The following TULP4 variants were observed in gnomAD, a reference collection of about 807,000 sequenced individuals.
TULP4 encodes tubby-related protein 4.
A neutral mutation model predicts 129.0 loss-of-function variants in TULP4; 16 were observed. That is an observed-to-expected ratio of 0.12 (90% CI 0.08 to 0.19). The LOEUF (loss-of-function observed/expected upper bound fraction) is 0.19, where lower values mean the gene tolerates loss of function less well. Ranked by LOEUF, TULP4 falls within the 10% of genes least tolerant of loss-of-function variation. The pLI is 1.00. For synonymous variants in TULP4, 998 were observed against 854.0 expected (o/e 1.17, Z -2.94); for missense variants, 1,842 against 2,059.1 (o/e 0.89, Z 2.04).
intron 4 of TULP4, among the ~76,000 whole-genome samples, chr6:158,450,275 C>T (rs940170994): frequency 2.6e-5 from 4 of 152,172 alleles, no homozygotes; most frequent in Admixed American, 6.5e-5. Context: ...TGGGTGCTTT[C>T]TAACCTTTCC....
intron 1 of TULP4, among the ~76,000 whole-genome samples, chr6:158,408,206 G>A (rs1427807186): frequency 1.3e-5 from 2 of 152,148 alleles, no homozygotes; most frequent in Admixed American, 6.6e-5. Context: ...CAGAGCAAGC[G>A]GGAGTGCTTG....
At chr6:158,477,412 GA>G (rs375889849) in intron 6 of TULP4, among the ~76,000 whole-genome samples, 66 of 152,246 alleles carry the variant, frequency 4.3e-4, no homozygotes, top group African/African-American at 1.5e-3. Context: ...TGTGCTCATT[GA>G]AAACTGTTTT....
At chr6:158,441,695 C>T (rs1778902719) in intron 3 of TULP4, among the ~76,000 whole-genome samples, 2 of 152,218 alleles carry the variant, frequency 1.3e-5, no homozygotes, top group Non-Finnish European at 2.9e-5. Context: ...GCCCTCTTCT[C>T]AGCTGGACCT....
At chr6:158,412,341 C>G (rs1188232232) in intron 1 of TULP4, among the ~76,000 whole-genome samples, 1 of 152,200 alleles carries the variant, frequency 6.6e-6, no homozygotes, top group Admixed American at 6.5e-5. Context: ...CAGTCCCTCG[C>G]TACTTTTACT....
rs1562492974 is a variant in TULP4, at chr6:158,245,128, CG to C, written n.68+12828del. Among the ~76,000 whole-genome samples, 12 of 151,460 alleles carry C rather than the reference CG, an allele frequency of 7.9e-5. No individual in the cohort carries two copies. In the South Asian group the frequency reaches 2.1e-3, roughly 26 times the overall value. Reference sequence around the variant, plus strand: ...TTAGCCTTCTGAGTAGCTGGGACTACGGGCACATATCACCACACCTGGTCAA... The same window carrying C: ...TTAGCCTTCTGAGTAGCTGGGACTACGGCACATATCACCACACCTGGTCAA... On this transcript the variant is annotated intron_variant and non_coding_transcript_variant, in intron 1 of 1. Transcript: ENST00000620026.
At chr6:158,248,593 A>G (rs1778077486) in intron 1 of TULP4, among the ~76,000 whole-genome samples, 2 of 151,898 alleles carry the variant, frequency 1.3e-5, no homozygotes, top group South Asian at 4.2e-4. Flanking sequence ...ATAATTTAAA[A>G]ACTAGCTGGG....
chr6:158,372,157 C>A (rs893338620), intron 1 of TULP4, among the ~76,000 whole-genome samples: 5 of 41,028 alleles, frequency 1.2e-4, no homozygotes, highest in South Asian at 2.2e-3. Context: ...CAATTCCATT[C>A]TATCTGCTTT....
chr6:158,438,288 G>A (rs184492379), intron 3 of TULP4, among the ~76,000 whole-genome samples: 2 of 152,156 alleles, frequency 1.3e-5, no homozygotes, highest in South Asian at 2.1e-4. Context: ...ACATACTTTA[G>A]TGTAAATCTC....
At chr6:158,403,444 A>T (rs911392403) in intron 1 of TULP4, among the ~76,000 whole-genome samples, 4 of 152,052 alleles carry the variant, frequency 2.6e-5, no homozygotes, top group African/African-American at 9.7e-5. Flanking sequence ...GGTTCAAGCG[A>T]TTCTCCTGCC....
Position 158,390,495 on chromosome 6 carries a change from A to T in TULP4, c.253-22570A>T, listed in dbSNP as rs537832381. ...GATTTGTTAGCATCTTCGAATTAAA[A>T]AAGAAAAACTGGATTCCAATTTGTA... On this transcript the variant is annotated intron_variant, in intron 1 of 13. Transcript: ENST00000367097. 7.3e-3 allele frequency among the ~76,000 whole-genome samples: 1,106 copies of T among 152,348 alleles called. 6 individuals carry two copies. Among genetic ancestry groups the T allele is most frequent in the Middle Eastern group, 0.014 (4 of 294 alleles).
chr6:158,501,672 T>C lies in TULP4; in HGVS notation c.2015-6T>C. ...TAAGCAGTTCCTTTTTCTAATTTTC[T>C]TCCAGTGACAGGAGCATCTGGTGTC... On this transcript the variant is annotated splice_region_variant and splice_polypyrimidine_tract_variant and intron_variant, in intron 12 of 13. Coordinates refer to ENST00000367097, the MANE Select transcript of TULP4 (RefSeq NM_020245.5). The C allele has an allele frequency of 6.2e-7, 1 of 1,601,028 alleles. No individual in the cohort carries two copies. Among genetic ancestry groups the C allele is most frequent in the Non-Finnish European group, 8.5e-7 (1 of 1,170,162 alleles).
chr6:158,378,485 T>TTTTTTTTTGTG (rs1554285635), intron 1 of TULP4, among the ~76,000 whole-genome samples: 2 of 51,412 alleles, frequency 3.9e-5, no homozygotes, highest in African/African-American at 7.6e-5. Context: ...TTTTTTTTTT[T>TTTTTTTTTGTG]GGTGGGGGTG....
At chr6:158,471,011 AAAG>A (rs1412982433) in intron 6 of TULP4, among the ~76,000 whole-genome samples, 5 of 152,226 alleles carry the variant, frequency 3.3e-5, no homozygotes, top group Admixed American at 2.0e-4. Flanking sequence ...TTTGGGGAAA[AAAG>A]AAGAAATAAG....
At chr6:158,497,948 C>T (rs554924779) in intron 11 of TULP4, among the ~76,000 whole-genome samples, 9 of 152,290 alleles carry the variant, frequency 5.9e-5, no homozygotes, top group Admixed American at 2.0e-4. Flanking sequence ...AGTTTCACCC[C>T]GACTTTAACT....
At chr6:158,273,946 C>T (rs1171926635) in intron 1 of TULP4, among the ~76,000 whole-genome samples, 1 of 152,152 alleles carries the variant, frequency 6.6e-6, no homozygotes, top group Non-Finnish European at 1.5e-5. Context: ...AAGTTACTTG[C>T]TCCACGTCCC....
At chr6:158,463,101 C>G (rs144054122) in intron 6 of TULP4, among the ~76,000 whole-genome samples, 1 of 152,102 alleles carries the variant, frequency 6.6e-6, no homozygotes, top group Non-Finnish European at 1.5e-5. Context: ...ATAACCATCT[C>G]GAAATTATCC....
chr6:158,453,910 A>G (rs1583894377), intron 5 of TULP4, among the ~76,000 whole-genome samples: 2 of 151,346 alleles, frequency 1.3e-5, no homozygotes, highest in African/African-American at 2.4e-5. Context: ...CCAAGACCGC[A>G]CCACTGCATT....
At chr6:158,357,208 C>G (rs1780669711) in intron 1 of TULP4, among the ~76,000 whole-genome samples, 1 of 152,190 alleles carries the variant, frequency 6.6e-6, no homozygotes, top group African/African-American at 2.4e-5. Flanking sequence ...GATTTTGTGA[C>G]TCTTCGAGTC....
At chr6:158,253,645 T>C (rs1778187036) in intron 1 of TULP4, among the ~76,000 whole-genome samples, 1 of 151,874 alleles carries the variant, frequency 6.6e-6, no homozygotes, top group Non-Finnish European at 1.5e-5. Flanking sequence ...TATTTGTGCA[T>C]TCAAATAATC....
Sources: allele counts gnomAD v4.1 joint callset (sites outside exome capture counted in the v4.1 genomes callset), GRCh38; gene constraint gnomAD v4.1.1; transcripts MANE v1.5; gene names NCBI Gene and HGNC (gene_info 2026-07-23, HGNC 2026-07-21).